ARL13B: variants seen among roughly 807,000 people sequenced by gnomAD.
ARL13B encodes ADP-ribosylation factor-like protein 13B.
Under a neutral mutation model 56.1 loss-of-function variants are expected in ARL13B, and 36 were observed. That is an observed-to-expected ratio of 0.64 (90% confidence interval 0.49 to 0.85). The LOEUF (loss-of-function observed/expected upper bound fraction) is 0.85, where lower values mean the gene tolerates loss of function less well. ARL13B is among the 40% of genes least tolerant of loss of function. The pLI is 0.00. For missense variants in ARL13B, 519 were observed against 507.1 expected (o/e 1.02, Z -0.23); for synonymous variants, 178 against 171.1 (o/e 1.04, Z -0.32).
intron 1 of ARL13B, among the ~76,000 whole-genome samples, chr3:93,987,543 TTTTTC>T (rs1422365640): frequency 6.6e-6 from 1 of 152,220 alleles, no homozygotes; most frequent in East Asian, 1.9e-4. Flanking sequence ...TTATTTCAGT[TTTTTC>T]TTTTGTAATG....
intron 3 of ARL13B, among the ~76,000 whole-genome samples, chr3:94,018,755 A>G (rs996845971): frequency 6.6e-6 from 1 of 151,802 alleles, no homozygotes; most frequent in Admixed American, 6.6e-5. Context: ...CAGACCAGAG[A>G]CTCAGAAGTC....
rs568180068 is a variant in ARL13B, at chr3:94,003,641, G to A, written c.131-18G>A. 1.1e-5 allele frequency: 17 copies of A among 1,608,678 alleles called. No homozygotes were observed. The highest frequency in any genetic ancestry group is 5.6e-5 in the South Asian group (5 of 90,072). On this transcript the variant is annotated intron_variant, in intron 2 of 9. Transcript: ENST00000394222. ...TAAAGTCTAAAGATTTTCTTTTTTT[G>A]TGTATCATTTGTAACAGAATACCCT...
intron 3 of ARL13B, among the ~76,000 whole-genome samples, chr3:94,029,712 C>T (rs1265173523): frequency 2.6e-5 from 4 of 152,086 alleles, no homozygotes; most frequent in Non-Finnish European, 5.9e-5. Flanking sequence ...TAAGAAATGA[C>T]TCCTTTACAC....
chr3:94,037,418 C>T (rs760983001), intron 5 of ARL13B, among the ~76,000 whole-genome samples: 6 of 152,022 alleles, frequency 3.9e-5, no homozygotes, highest in Non-Finnish European at 7.4e-5. Context: ...TTCCTTATAC[C>T]GTGAAGGAAA....
chr3:94,011,527 C>T (rs2076224587), intron 3 of ARL13B, among the ~76,000 whole-genome samples: 1 of 152,134 alleles, frequency 6.6e-6, no homozygotes, highest in Admixed American at 6.5e-5. Context: ...ATTTTTTCCA[C>T]TACCACATTT....
chr3:93,997,408 G>A (rs1018418995), intron 2 of ARL13B, among the ~76,000 whole-genome samples: 4 of 152,026 alleles, frequency 2.6e-5, no homozygotes, highest in African/African-American at 9.7e-5. Flanking sequence ...TAATTAACAG[G>A]TTGCAAAACT....
rs1370659497 is a variant in ARL13B, at chr3:94,043,203, G to A, written c.987G>A (p.Lys329=). 1 of 1,613,388 alleles carries A rather than the reference G, an allele frequency of 6.2e-7. No homozygotes were observed. ...NYKEALTQQL[K]NEDETDRPSL... ...AGGAGGCATTAACACAGCAGTTAAA[G>A]AATGAAGATGAGACAGACCGGCCAT... is the stretch of plus-strand genomic sequence containing the variant. The change falls in exon 7 of 10, where the codon AAG becomes AAA. Residue 329 remains lysine, a synonymous_variant. Transcript: ENST00000394222.
At chr3:94,037,235 A>T (rs1447430389) in intron 5 of ARL13B, among the ~76,000 whole-genome samples, 1 of 152,190 alleles carries the variant, frequency 6.6e-6, no homozygotes, top group Admixed American at 6.5e-5. Context: ...TAACGTTGAG[A>T]CTGAGGAACC....
intron 3 of ARL13B, chr3:94,014,811 G>A (rs538284731): frequency 2.4e-5 from 39 of 1,613,910 alleles, no homozygotes; most frequent in Non-Finnish European, 3.1e-5. Flanking sequence ...CTGCTATTGT[G>A]TCATTGTATA....
intron 3 of ARL13B, among the ~76,000 whole-genome samples, chr3:94,025,247 A>G (rs1386240585): frequency 6.6e-6 from 1 of 151,346 alleles, no homozygotes; most frequent in African/African-American, 2.4e-5. Flanking sequence ...ATGAATTTAC[A>G]AGCAAAAAAC....
chr3:94,053,612 A>G lies in ARL13B; in HGVS notation c.*349A>G, dbSNP rs1412316614. The G allele has an allele frequency of 2.1e-6, 1 of 474,210 alleles. No homozygotes were observed. The highest frequency in any genetic ancestry group is 4.1e-6 in the Non-Finnish European group (1 of 241,466). 29.4% of individuals were successfully genotyped at this position (474,210 alleles called of 1,614,324 possible). A position where few individuals can be genotyped will look rare whatever the true frequency, so the allele number is the denominator to read the frequency against. On this transcript the variant is annotated 3_prime_UTR_variant, in exon 10 of 10. Transcript: ENST00000394222. ...TCAGCACTTTCTTTACTATTTGTTC[A>G]ATAGCCTATATTTCTAGATATTAAA...
intron 7 of ARL13B, among the ~76,000 whole-genome samples, chr3:94,045,966 AAG>A (rs1422091292): frequency 2.0e-5 from 3 of 146,582 alleles, no homozygotes; most frequent in Non-Finnish European, 3.0e-5. Flanking sequence ...AAAAAAAAAA[AAG>A]AAAAAAAAAA....
At chr3:94,007,533 A>G (rs989091676) in intron 3 of ARL13B, among the ~76,000 whole-genome samples, 2 of 152,210 alleles carry the variant, frequency 1.3e-5, no homozygotes, top group Non-Finnish European at 2.9e-5. Context: ...GTGGGAGGCA[A>G]AAGGCACTTC....
intron 2 of ARL13B, among the ~76,000 whole-genome samples, chr3:94,002,369 C>T (rs1168922249): frequency 1.3e-5 from 2 of 152,112 alleles, no homozygotes; most frequent in African/African-American, 4.8e-5. Flanking sequence ...ACCCAGCCAC[C>T]ACATATGGCT....
In ARL13B at chr3:93,980,459, C is replaced by T. The variant is rs1173129729; in HGVS notation, c.36C>T (p.Phe12=). The T allele has an allele frequency of 1.2e-6, 2 of 1,612,154 alleles. No homozygotes were observed. Among genetic ancestry groups the T allele is most frequent in the Non-Finnish European group, 1.7e-6 (2 of 1,179,996 alleles). ...TGATGGCCAGTTGCTGCGGCTGGTT[C>T]AAGCGGTGGCGGGAGCCTGTCAGGT... ...FSLMASCCGW[F]KRWREPVRKV... is the part of the protein sequence containing the mutation. The change falls in exon 1 of 10, where the codon TTC becomes TTT. Residue 12 remains phenylalanine (F), a synonymous_variant. Coordinates refer to ENST00000394222, the MANE Select transcript of ARL13B (RefSeq NM_001174150.2).
chr3:94,000,223 T>C (rs1559974327), intron 2 of ARL13B, among the ~76,000 whole-genome samples: 1 of 152,194 alleles, frequency 6.6e-6, no homozygotes, highest in African/African-American at 2.4e-5. Context: ...AAATTGGCCA[T>C]GGTCAAAGTA....
intron 1 of ARL13B, among the ~76,000 whole-genome samples, chr3:93,984,787 G>A (rs575114000): frequency 1.3e-5 from 2 of 152,228 alleles, no homozygotes; most frequent in East Asian, 3.9e-4. Flanking sequence ...TGGGAAGATC[G>A]CTTGAGCCTA....
rs1168277157 is a variant in ARL13B, at chr3:94,054,116, A to G, written c.*853A>G. On this transcript the variant is annotated 3_prime_UTR_variant, in exon 10 of 10. Coordinates refer to ENST00000394222, the MANE Select transcript of ARL13B (RefSeq NM_001174150.2). ...AAAGGTTAGACACTTTCAGAGATCA[A>G]GGTGCTCCCTATACTCCCTTGTTCC... is the stretch of plus-strand genomic sequence containing the variant. 3 of 452,828 alleles carry G rather than the reference A, an allele frequency of 6.6e-6. 1 individual carries two copies. The highest frequency in any genetic ancestry group is 1.3e-5 in the Non-Finnish European group (3 of 226,000). 28.1% of individuals were successfully genotyped at this position (452,828 alleles called of 1,614,324 possible).
intron 3 of ARL13B, among the ~76,000 whole-genome samples, chr3:94,032,863 A>G (rs2076701245): frequency 6.6e-6 from 1 of 152,220 alleles, no homozygotes. Context: ...ACTACTGGGT[A>G]CCTATCCAAA....
Sources: gnomAD v4.1 joint callset for allele counts (sites outside exome capture counted in the v4.1 genomes callset) on GRCh38, gnomAD v4.1.1 for gene constraint, MANE v1.5 for transcripts, NCBI Gene and HGNC (gene_info 2026-07-23, HGNC 2026-07-21) for gene names.